Variants in NLGN1 observed in about 807,000 individuals in gnomAD.
The protein encoded by NLGN1 is neuroligin 1.
A neutral mutation model predicts 65.5 loss-of-function variants in NLGN1; 12 were observed. The ratio of observed to expected loss-of-function variants is 0.18; its 90% CI spans 0.12 to 0.30. NLGN1 has a LOEUF of 0.30. Ranked by LOEUF, NLGN1 falls within the 10% of genes least tolerant of loss-of-function variation. The probability of loss-of-function intolerance (pLI) is 1.00; values close to 1 mark genes in which losing one functional copy is unlikely to be tolerated. For synonymous variants in NLGN1, 350 were observed against 359.5 expected (o/e 0.97, Z 0.30); for missense variants, 750 against 1,007.1 (o/e 0.74, Z 3.46).
intron 3 of NLGN1, among the ~76,000 whole-genome samples, chr3:173,778,962 T>G (rs1780722899): frequency 6.6e-6 from 1 of 151,512 alleles, no homozygotes; most frequent in African/African-American, 2.4e-5. Flanking sequence ...TTGAGATATC[T>G]AGTGTATTCC....
At chr3:174,283,112 TTTC>T (rs1464926127) in exon 7 of NLGN1, 1 of 151,724 alleles carries the variant, frequency 6.6e-6, no homozygotes, top group Non-Finnish European at 1.5e-5. Context: ...CTGTTTTGTC[TTTC>T]TTTTTTCTAA....
chr3:173,718,160 C>T (rs534071051), intron 3 of NLGN1, among the ~76,000 whole-genome samples: 1 of 152,038 alleles, frequency 6.6e-6, no homozygotes, highest in African/African-American at 2.4e-5. Flanking sequence ...AACATTTTGC[C>T]TCTTCTCTTC....
intron 2 of NLGN1, among the ~76,000 whole-genome samples, chr3:173,576,216 G>A (rs1745475194): frequency 6.6e-6 from 1 of 151,998 alleles, no homozygotes; most frequent in Non-Finnish European, 1.5e-5. Flanking sequence ...TAATGTGGAT[G>A]CTAGGAAATT....
In NLGN1 at chr3:173,790,713, A is replaced by C. The variant is rs150993057; in HGVS notation, c.494-16967A>C. Among the ~76,000 whole-genome samples the C allele has an allele frequency of 4.0e-3, 612 of 152,066 alleles. 7 individuals carry two copies. Among genetic ancestry groups the C allele is most frequent in the African/African-American group, 0.014 (585 of 41,496 alleles). Reference sequence around the variant, plus strand: ...TGTGTGTGTGTGTGTTTGTGTATTAAGGATTTAGTTTGAGTTAATGGATAG... The same window carrying C: ...TGTGTGTGTGTGTGTTTGTGTATTACGGATTTAGTTTGAGTTAATGGATAG... On this transcript the variant is annotated intron_variant, in intron 3 of 6. Transcript: ENST00000457714.
intron 1 of NLGN1, among the ~76,000 whole-genome samples, chr3:173,433,240 G>A (rs1717515860): frequency 6.6e-6 from 1 of 152,026 alleles, no homozygotes; most frequent in Non-Finnish European, 1.5e-5. Context: ...CTCCTTATTG[G>A]GCTGCCCTCC....
chr3:174,220,360 A>G (rs2152804702), intron 4 of NLGN1, among the ~76,000 whole-genome samples: 1 of 152,224 alleles, frequency 6.6e-6, no homozygotes, highest in Non-Finnish European at 1.5e-5. Context: ...ACCTATTAGG[A>G]CTGTTTCATA....
chr3:173,994,788 C>A (rs1319080037), intron 4 of NLGN1, among the ~76,000 whole-genome samples: 1 of 152,114 alleles, frequency 6.6e-6, no homozygotes, highest in Non-Finnish European at 1.5e-5. Context: ...TTTTGGAACA[C>A]CATGAGCATT....
chr3:174,267,930 G>GCA (rs150654577), intron 4 of NLGN1, among the ~76,000 whole-genome samples: 6,851 of 151,964 alleles, frequency 0.045, 184 homozygotes, highest in Non-Finnish European at 0.066. Context: ...ACATTACAAA[G>GCA]CACACACACA....
chr3:173,462,353 T>C (rs34255), intron 2 of NLGN1, among the ~76,000 whole-genome samples: 15,575 of 152,136 alleles, frequency 0.1, 884 homozygotes, highest in Admixed American at 0.14. Flanking sequence ...TTCTTAACTT[T>C]TTAGCTTTCT....
At chr3:173,583,949 G>A (rs1178216379) in intron 2 of NLGN1, among the ~76,000 whole-genome samples, 1 of 152,032 alleles carries the variant, frequency 6.6e-6, no homozygotes, top group Admixed American at 6.6e-5. Context: ...CATATCTCAG[G>A]AAGAGTGAGG....
chr3:174,101,625 C>G (rs1712499206), intron 4 of NLGN1, among the ~76,000 whole-genome samples: 1 of 152,194 alleles, frequency 6.6e-6, no homozygotes, highest in African/African-American at 2.4e-5. Context: ...TGATATGTTA[C>G]TTCCTTCACA....
chr3:173,454,407 A>G (rs892644350), intron 2 of NLGN1, among the ~76,000 whole-genome samples: 2 of 152,080 alleles, frequency 1.3e-5, no homozygotes, highest in African/African-American at 4.8e-5. Context: ...CTTTCTAGCT[A>G]TGAAATTCCT....
chr3:174,068,293 G>A (rs1283190512), intron 4 of NLGN1, among the ~76,000 whole-genome samples: 1 of 152,074 alleles, frequency 6.6e-6, no homozygotes, highest in African/African-American at 2.4e-5. Context: ...GAAAGCTTCA[G>A]GTCTGTCCCA....
intron 4 of NLGN1, among the ~76,000 whole-genome samples, chr3:174,093,896 A>G (rs1744977670): frequency 6.6e-6 from 1 of 152,032 alleles, no homozygotes; most frequent in Non-Finnish European, 1.5e-5. Context: ...TCCCTCTCTA[A>G]TGGTTTTTCT....
At chr3:173,463,809 C>A (rs559814261) in intron 2 of NLGN1, among the ~76,000 whole-genome samples, 1 of 152,028 alleles carries the variant, frequency 6.6e-6, no homozygotes, top group Non-Finnish European at 1.5e-5. Flanking sequence ...AATACACTTG[C>A]AAAAGTGTAA....
intron 4 of NLGN1, among the ~76,000 whole-genome samples, chr3:174,119,706 A>G (rs1248404894): frequency 6.6e-6 from 1 of 152,204 alleles, no homozygotes; most frequent in Non-Finnish European, 1.5e-5. Flanking sequence ...TGCTCTGGGA[A>G]TATTTGCCTG....
At chr3:173,827,009 A>T (rs1721469538) in intron 4 of NLGN1, among the ~76,000 whole-genome samples, 1 of 152,076 alleles carries the variant, frequency 6.6e-6, no homozygotes, top group Non-Finnish European at 1.5e-5. Context: ...ATCTCCAGAG[A>T]GGAAGCTGGA....
intron 3 of NLGN1, among the ~76,000 whole-genome samples, chr3:173,795,910 C>A (rs564759796): frequency 6.6e-6 from 1 of 152,152 alleles, no homozygotes; most frequent in East Asian, 1.9e-4. Context: ...TCAAAGACTG[C>A]TGGGTCAAGA....
chr3:173,720,136 A>C (rs375243991), intron 3 of NLGN1, among the ~76,000 whole-genome samples: 1 of 152,152 alleles, frequency 6.6e-6, no homozygotes, highest in East Asian at 1.9e-4. Context: ...AAAAAGAAAA[A>C]GAATTTTTTA....
Sources: allele counts gnomAD v4.1 joint callset (sites outside exome capture counted in the v4.1 genomes callset), GRCh38; gene constraint gnomAD v4.1.1; transcripts MANE v1.5; gene names NCBI Gene and HGNC (gene_info 2026-07-23, HGNC 2026-07-21).